WASHC2C: variants seen among roughly 807,000 people sequenced by gnomAD.
WASHC2C encodes the protein Vaccinia Penetration Factor.
WASHC2C carries 73 observed loss-of-function variants against 142.2 expected under a neutral mutation model. That is an observed-to-expected ratio of 0.51 (90% CI 0.43 to 0.62). The LOEUF (loss-of-function observed/expected upper bound fraction) is 0.62. Among genes scored for constraint, WASHC2C ranks in the 20% least tolerant of loss-of-function variants. The pLI, the probability that WASHC2C is intolerant of heterozygous loss-of-function variation, is 0.00. For synonymous variants in WASHC2C, 337 were observed against 565.5 expected (o/e 0.60, Z 5.73); for missense variants, 969 against 1,531.7 (o/e 0.63, Z 6.13).
In WASHC2C at chr10:45,727,520, C is replaced by G; in HGVS notation, c.107C>G (p.Ser36Trp). The G allele has an allele frequency of 6.3e-7, 1 of 1,592,632 alleles. No individual in the cohort carries two copies. The highest frequency in any genetic ancestry group is 2.3e-5 in the East Asian group (1 of 43,946). ...ATCCGCAGGAGCAGCCAGAGCTGGT[C>G]GCTGGCGGCCGACGCGGGCGTGAGA... ...EEIRRSSQSW[S>W]LAADAGLLQF... The change falls in exon 2 of 31, where the codon TCG becomes TGG. Residue 36 changes from serine (S) to tryptophan (W), a missense_variant. Transcript: ENST00000623400.
chr10:45,752,719 C>T lies in WASHC2C; in HGVS notation c.1122+13C>T. On this transcript the variant is annotated intron_variant, in intron 12 of 30. Transcript: ENST00000623400. Reference sequence around the variant, plus strand: ...TGAGGACGAGGAGGTGAGTCCATGGCACCCAGCAACACTCCCTGCAGCTAG... The same window carrying T: ...TGAGGACGAGGAGGTGAGTCCATGGTACCCAGCAACACTCCCTGCAGCTAG... 5.0e-6 allele frequency: 8 copies of T among 1,606,508 alleles called. No individual in the cohort carries two copies. The highest frequency in any genetic ancestry group is 6.8e-6 in the Non-Finnish European group (8 of 1,176,916).
At chr10:45,745,894 A>G (rs2052758741) in intron 7 of WASHC2C, among the ~76,000 whole-genome samples, 1 of 144,178 alleles carries the variant, frequency 6.9e-6, no homozygotes, top group Non-Finnish European at 1.5e-5. Context: ...AGCATTAGGT[A>G]TATCTCCCAA....
chr10:45,756,745 A>C (rs2054350715), intron 15 of WASHC2C, among the ~76,000 whole-genome samples: 1 of 152,170 alleles, frequency 6.6e-6, no homozygotes, highest in African/African-American at 2.4e-5. Context: ...AGTCCAAGCT[A>C]CTCTAAGCAC....
chr10:45,785,239 A>G (rs2923040), intron 25 of WASHC2C, among the ~76,000 whole-genome samples: 4 of 152,114 alleles, frequency 2.6e-5, no homozygotes, highest in Admixed American at 2.0e-4. Context: ...AAAGCTTTGA[A>G]TCTGAGTTTT....
chr10:45,769,439 A>G lies in WASHC2C; in HGVS notation c.1870-10A>G. On this transcript the variant is annotated splice_polypyrimidine_tract_variant and intron_variant, in intron 19 of 30. Transcript: ENST00000623400. The stretch of plus-strand genomic sequence containing the variant: ...GGCCTGGAGTTTTAATATATATTTT[A>G]TGTTTTAAGGACCAGTGGAATATTC... The G allele has an allele frequency of 6.2e-7, 1 of 1,607,164 alleles. No individual in the cohort carries two copies. The highest frequency in any genetic ancestry group is 8.5e-7 in the Non-Finnish European group (1 of 1,177,328).
intron 3 of WASHC2C, among the ~76,000 whole-genome samples, chr10:45,732,099 T>C (rs2050681805): frequency 6.6e-6 from 1 of 152,154 alleles, no homozygotes. Flanking sequence ...CCCGGCAATC[T>C]GGCTTTTTAA....
At chr10:45,730,283 G>T (rs1404841111) in intron 3 of WASHC2C, among the ~76,000 whole-genome samples, 2 of 136,902 alleles carry the variant, frequency 1.5e-5, no homozygotes, top group Admixed American at 7.4e-5. Flanking sequence ...GGAGGCGGAG[G>T]TTGCGGTGAG....
At chr10:45,762,677 G>A (rs1203543649) in intron 17 of WASHC2C, among the ~76,000 whole-genome samples, 16 of 152,224 alleles carry the variant, frequency 1.1e-4, no homozygotes, top group Admixed American at 6.5e-4. Context: ...AAGCCGAGGC[G>A]GGCGGATCAC....
At chr10:45,732,720 G>A (rs1288409694) in intron 3 of WASHC2C, among the ~76,000 whole-genome samples, 4 of 152,156 alleles carry the variant, frequency 2.6e-5, no homozygotes, top group African/African-American at 9.7e-5. Flanking sequence ...CAAGCTTAGT[G>A]TTCCAATAAT....
rs1188154076 is a variant in WASHC2C, at chr10:45,792,563, T to A, written c.*163T>A. The stretch of plus-strand genomic sequence containing the variant: ...GTATTTTTCTGCACTGGTTTAATCA[T>A]GCTTAATACTACAAAACAAAAATAA... On this transcript the variant is annotated 3_prime_UTR_variant, in exon 31 of 31. Coordinates refer to ENST00000623400, the MANE Select transcript of WASHC2C (RefSeq NM_001330074.2). The A allele has an allele frequency of 8.9e-6, 9 of 1,010,504 alleles. No individual in the cohort carries two copies. Among genetic ancestry groups the A allele is most frequent in the Non-Finnish European group, 1.3e-5 (9 of 694,598 alleles). The allele number at this position is 1,010,504 out of a possible 1,614,324, so 62.6% of individuals were successfully genotyped here.
Position 45,757,144 on chromosome 10 carries a change from G to A in WASHC2C, c.1548+5G>A, listed in dbSNP as rs59077416. 1.5e-3 allele frequency: 2,459 copies of A among 1,609,944 alleles called. 44 individuals are homozygous for A. The African/African-American group carries it at 0.029, about 19-fold the overall frequency. ...AAAGCAAGAGCAGAAAAAAAGGTGA[G>A]CAGGAGGGAAGACTTAACGCAGGAG... On this transcript the variant is annotated splice_donor_5th_base_variant and intron_variant, in intron 16 of 30. Coordinates refer to ENST00000623400, the MANE Select transcript of WASHC2C (RefSeq NM_001330074.2).
Position 45,790,514 on chromosome 10 carries a change from T to C in WASHC2C, c.3867T>C (p.Ser1289=), listed in dbSNP as rs1369526989. Reference sequence around the variant, plus strand: ...CCAAAAAGAAAGTGGAAGCCAAGTCTATATTTGATGATGATATGGGTAAGT... The same window carrying C: ...CCAAAAAGAAAGTGGAAGCCAAGTCCATATTTGATGATGATATGGGTAAGT... The part of the protein sequence containing the change: ...EKSKKKVEAK[S]IFDDDMDDIF... Residue 1289 remains serine (S), a synonymous_variant, in exon 30 of 31, where the codon TCT becomes TCC. Transcript: ENST00000623400. The C allele has an allele frequency of 8.7e-6, 14 of 1,611,650 alleles. No homozygotes were observed. The highest frequency in any genetic ancestry group is 1.2e-5 in the Non-Finnish European group (14 of 1,179,790).
chr10:45,773,851 C>A (rs1358059681), intron 21 of WASHC2C, among the ~76,000 whole-genome samples: 3 of 136,060 alleles, frequency 2.2e-5, no homozygotes, highest in South Asian at 2.3e-4. Flanking sequence ...TAAAAAAAAA[C>A]CCAGGGTGGA....
rs2058459484 is a variant in WASHC2C at position 45,792,936 on chromosome 10, T to C, written c.*536T>C. 2.1e-6 allele frequency: 1 copy of C among 469,088 alleles called. No homozygotes were observed. Among genetic ancestry groups the C allele is most frequent in the South Asian group, 1.6e-5 (1 of 64,484 alleles). The allele number at this position is 469,088 out of a possible 1,614,324, so 29.1% of individuals were successfully genotyped here. A position where few individuals can be genotyped will look rare whatever the true frequency, so the allele number is the denominator to read the frequency against. On this transcript the variant is annotated 3_prime_UTR_variant, in exon 31 of 31. Transcript: ENST00000623400. ...TGGCCCCCCCACTGTCATATTTTGT[T>C]AATAAAATTTTATTGGAACACAATC... is the stretch of plus-strand genomic sequence containing the variant.
chr10:45,766,239 C>T (rs1478089017), intron 19 of WASHC2C, among the ~76,000 whole-genome samples: 2 of 152,280 alleles, frequency 1.3e-5, no homozygotes, highest in Admixed American at 1.3e-4. Flanking sequence ...CAATTTTATG[C>T]AGTCTGATGA....
At chr10:45,781,377 GGAACT>G (rs2057492911) in intron 23 of WASHC2C, among the ~76,000 whole-genome samples, 1 of 152,072 alleles carries the variant, frequency 6.6e-6, no homozygotes, top group East Asian at 1.9e-4. Context: ...AAATTTTTAT[GGAACT>G]GTAAGAGACC....
chr10:45,752,806 T>C (rs1232531526), intron 12 of WASHC2C, 100 bp downstream of exon 12: 16 of 787,406 alleles, frequency 2.0e-5, no homozygotes, highest in Non-Finnish European at 4.0e-6. Context: ...AAAAACAGTT[T>C]CTCAGTTGGA....
At chr10:45,755,521 A>C (rs1263326415) in intron 15 of WASHC2C, among the ~76,000 whole-genome samples, 1 of 152,306 alleles carries the variant, frequency 6.6e-6, no homozygotes, top group Non-Finnish European at 1.5e-5. Context: ...CAAAAAGCTC[A>C]GGTGGCCTTG....
chr10:45,743,326 G>C, intron 5 of WASHC2C, 64 bp from the exon 6 acceptor site: 1 of 1,604,662 alleles, frequency 6.2e-7, no homozygotes, highest in South Asian at 1.1e-5. Context: ...AGGGTATCAG[G>C]TGGCACATGT....
Sources: allele counts gnomAD v4.1 joint callset (sites outside exome capture counted in the v4.1 genomes callset), GRCh38; gene constraint gnomAD v4.1.1; transcripts MANE v1.5; gene names NCBI Gene and HGNC (gene_info 2026-07-23, HGNC 2026-07-21).